The following ABCA1 variants were observed in gnomAD, a reference collection of about 807,000 sequenced individuals.
ABCA1 encodes phospholipid-transporting ATPase ABCA1.
Under a neutral mutation model 262.5 loss-of-function variants are expected in ABCA1, and 133 were observed. The observed-to-expected ratio is 0.51, with a 90% CI of 0.44 to 0.59. The LOEUF (loss-of-function observed/expected upper bound fraction) is 0.59. Ranked by LOEUF, ABCA1 falls within the 20% of genes least tolerant of loss-of-function variation. The probability of loss-of-function intolerance (pLI) is 0.00; values close to 1 mark genes in which losing one functional copy is unlikely to be tolerated. For missense variants in ABCA1, 2,452 were observed against 2,777.5 expected, an observed-to-expected ratio of 0.88 and a Z score of 2.63; for synonymous variants, 1,022 against 1,043.5, an observed-to-expected ratio of 0.98 and a Z score of 0.40.
chr9:104,845,503 G>C lies in ABCA1; in HGVS notation c.787C>G (p.His263Asp), dbSNP rs200572505. 27 of 1,613,986 alleles carry C rather than the reference G, an allele frequency of 1.7e-5. No individual in the cohort carries two copies. Among genetic ancestry groups the C allele is most frequent in the Non-Finnish European group, 2.3e-5 (27 of 1,179,878 alleles). ...ELAEATKTLL[H>D]SLGTLAQELF... Reference sequence around the variant, plus strand: ...TCCTGGGCCAGAGTCCCAAGACTATGCAGCAATGTTTTTGTGGCTTCAGCC... The same window carrying C: ...TCCTGGGCCAGAGTCCCAAGACTATCCAGCAATGTTTTTGTGGCTTCAGCC... Residue 263 changes from histidine to aspartate, a missense_variant, in exon 8 of 50, where the codon CAT becomes GAT. This residue lies in a region of ABCA1 where 1,032 missense variants were observed against 1,089.7 expected (regional missense o/e 0.95). Transcript: ENST00000374736.
chr9:104,889,148 G>C lies in ABCA1; in HGVS notation c.114C>G (p.Ile38Met). ...GGTAGCTCAGCCGAACAGAGATCAG[G>C]ATCAGGAAGATAAATAGAGGCCAGG... ...EVAWPLFIFL[I>M]LISVRLSYPP... Residue 38 changes from isoleucine (I) to methionine (M), a missense_variant, in exon 3 of 50, where the codon ATC (isoleucine) becomes ATG (methionine). Physicochemically the swap from Ile to Met is conservative, Grantham distance 10 (BLOSUM62 1). This residue lies in a region of ABCA1 where 1,032 missense variants were observed against 1,089.7 expected (regional missense o/e 0.95). Coordinates refer to ENST00000374736, the MANE Select transcript of ABCA1 (RefSeq NM_005502.4). 1 of 1,614,136 alleles carries C rather than the reference G, an allele frequency of 6.2e-7. No individual in the cohort carries two copies. Among genetic ancestry groups the C allele is most frequent in the Non-Finnish European group, 8.5e-7 (1 of 1,180,004 alleles).
intron 1 of ABCA1, among the ~76,000 whole-genome samples, chr9:104,904,351 C>G (rs1014444182): frequency 1.9e-4 from 29 of 152,082 alleles, no homozygotes; most frequent in African/African-American, 6.8e-4. Context: ...AGGCGGATCA[C>G]GAGGTCAAGA....
At chr9:104,914,731 A>T (rs1397176515) in intron 1 of ABCA1, among the ~76,000 whole-genome samples, 1 of 152,174 alleles carries the variant, frequency 6.6e-6, no homozygotes, top group African/African-American at 2.4e-5. Context: ...CGATAAGAAA[A>T]GATAGTTAAA....
At chr9:104,827,263 T>G (rs1457871126) in intron 15 of ABCA1, 94 bp from the exon 16 acceptor site, 1 of 1,069,172 alleles carries the variant, frequency 9.4e-7, no homozygotes, top group African/African-American at 1.6e-5. Flanking sequence ...TTATTCCTAC[T>G]CATGTTAGAG....
chr9:104,874,717 C>A (rs1012099479), intron 5 of ABCA1, among the ~76,000 whole-genome samples: 3 of 152,158 alleles, frequency 2.0e-5, no homozygotes, highest in Non-Finnish European at 2.9e-5. Context: ...GGTAAAACCC[C>A]ATCTCTACTG....
At chr9:104,834,854 C>G (rs1286578955) in intron 11 of ABCA1, among the ~76,000 whole-genome samples, 17 of 152,114 alleles carry the variant, frequency 1.1e-4, no homozygotes, top group Admixed American at 7.9e-4. Context: ...CAGAGCTACC[C>G]CAGCAGAAGC....
intron 35 of ABCA1, 47 bp downstream of exon 35, chr9:104,800,463 G>A: frequency 1.9e-6 from 3 of 1,550,180 alleles, no homozygotes; most frequent in East Asian, 2.2e-5. Flanking sequence ...GGAAACATAA[G>A]GATTATTGTT....
intron 36 of ABCA1, among the ~76,000 whole-genome samples, chr9:104,799,291 T>C (rs562206574): frequency 6.6e-6 from 1 of 152,088 alleles, no homozygotes; most frequent in Admixed American, 6.6e-5. Flanking sequence ...AACTGCCTCA[T>C]TTAATATCAT....
rs762692608 is a variant in ABCA1, at chr9:104,829,130, C to T, written c.1901G>A (p.Arg634Gln). The T allele has an allele frequency of 5.6e-6, 9 of 1,613,994 alleles. No individual in the cohort carries two copies. Among genetic ancestry groups the T allele is most frequent in the East Asian group, 4.5e-5 (2 of 44,882 alleles). ...GAGGGGCATTGACCGGCTCATCACC[C>T]GCAGAAAGCTGGAGGCCCCAAGGAA... is the stretch of plus-strand genomic sequence containing the variant. ...YPCYVDDIFL[R>Q]VMSRSMPLFM... Residue 634 changes from arginine to glutamine, a missense_variant, in exon 15 of 50, where the codon CGG (arginine) becomes CAG (glutamine). Transcript: ENST00000374736.
chr9:104,784,905 A>G (rs915174205), intron 49 of ABCA1, among the ~76,000 whole-genome samples: 13 of 152,070 alleles, frequency 8.5e-5, no homozygotes, highest in Admixed American at 8.5e-4. Flanking sequence ...CAGCCTCCCA[A>G]AGTGCTGGGA....
At chr9:104,786,511 G>T in intron 47 of ABCA1, 121 bp from the exon 48 acceptor site, 1 of 879,372 alleles carries the variant, frequency 1.1e-6, no homozygotes, top group Non-Finnish European at 1.9e-6. Context: ...AGTACATGTG[G>T]ATATAGGGAT....
intron 11 of ABCA1, among the ~76,000 whole-genome samples, chr9:104,833,317 G>T (rs1434272792): frequency 6.6e-6 from 1 of 152,084 alleles, no homozygotes; most frequent in Non-Finnish European, 1.5e-5. Flanking sequence ...AAGTAGCTAA[G>T]ACTACAGGTG....
At chr9:104,785,366 A>T in intron 49 of ABCA1, 30 bp downstream of exon 49, 1 of 1,613,430 alleles carries the variant, frequency 6.2e-7, no homozygotes, top group East Asian at 2.2e-5. Flanking sequence ...CACCCTGAGA[A>T]GTAAATCTGT....
intron 27 of ABCA1, among the ~76,000 whole-genome samples, chr9:104,813,070 T>C (rs539435320): frequency 2.6e-5 from 4 of 152,346 alleles, no homozygotes; most frequent in Admixed American, 1.3e-4. Context: ...AAACAGGCCA[T>C]GTACGTAGCT....
chr9:104,788,127 A>G, intron 45 of ABCA1, 73 bp from the exon 46 acceptor site: 2 of 1,491,160 alleles, frequency 1.3e-6, no homozygotes, highest in Non-Finnish European at 1.9e-6. Flanking sequence ...ACATACATGT[A>G]TGAAAGTTCT....
chr9:104,912,482 A>G (rs1490443726), intron 1 of ABCA1, among the ~76,000 whole-genome samples: 2 of 152,210 alleles, frequency 1.3e-5, no homozygotes, highest in African/African-American at 4.8e-5. Context: ...ACAACCAAAG[A>G]TCCTATTTAT....
At chr9:104,883,556 T>G (rs913207574) in intron 4 of ABCA1, among the ~76,000 whole-genome samples, 1 of 152,230 alleles carries the variant, frequency 6.6e-6, no homozygotes, top group African/African-American at 2.4e-5. Flanking sequence ...AAAAGCAGAA[T>G]TAAAAGTTAA....
chr9:104,896,823 T>C (rs1840274954), intron 2 of ABCA1, among the ~76,000 whole-genome samples: 1 of 138,512 alleles, frequency 7.2e-6, no homozygotes, highest in Non-Finnish European at 1.5e-5. Flanking sequence ...CTTGACCACC[T>C]GGACTCAAGC....
At chr9:104,843,995 T>C (rs951895151) in intron 8 of ABCA1, among the ~76,000 whole-genome samples, 7 of 143,086 alleles carry the variant, frequency 4.9e-5, no homozygotes, top group African/African-American at 1.3e-4. Flanking sequence ...AATGGGAACA[T>C]CACCTGCTTC....
Sources: allele counts gnomAD v4.1 joint callset (sites outside exome capture counted in the v4.1 genomes callset), GRCh38; gene constraint gnomAD v4.1.1; regional missense constraint gnomAD v4.1.1; transcripts MANE v1.5; gene names NCBI Gene and HGNC (gene_info 2026-07-23, HGNC 2026-07-21).